The following BLTP3B variants were observed in gnomAD, a reference collection of about 807,000 sequenced individuals.
The protein encoded by BLTP3B is bridge-like lipid transfer protein family member 3B.
At chr12:100,102,322 G>C in the BLTP3B span, among the ~76,000 whole-genome samples, 1 of 151,522 alleles carries the variant, frequency 6.6e-6, no homozygotes, top group Non-Finnish European at 1.5e-5. Flanking sequence ...GTTTTGCCCA[G>C]GCTGGTCTCA....
the BLTP3B span, chr12:100,058,738 C>A: frequency 4.3e-6 from 7 of 1,613,808 alleles, no homozygotes; most frequent in Non-Finnish European, 5.9e-6. Context: ...CCAGTTACAG[C>A]TTCTACATCT....
At chr12:100,074,391 G>A in the BLTP3B span, among the ~76,000 whole-genome samples, 1 of 152,140 alleles carries the variant, frequency 6.6e-6, no homozygotes, top group Non-Finnish European at 1.5e-5. Context: ...TTGAGGCCAG[G>A]AGCTCGAGAC....
the BLTP3B span, among the ~76,000 whole-genome samples, chr12:100,133,102 G>A: frequency 1.3e-3 from 192 of 152,072 alleles, 1 homozygote; most frequent in African/African-American, 4.4e-3. Context: ...TTTAGCTGGG[G>A]GTGGTGGTGG....
chr12:100,093,309 AC>A, the BLTP3B span, among the ~76,000 whole-genome samples: 4 of 152,130 alleles, frequency 2.6e-5, no homozygotes, highest in Non-Finnish European at 5.9e-5. Flanking sequence ...GCTCTAGAAG[AC>A]CTTGTTCACA....
the BLTP3B span, chr12:100,086,379 G>GA: frequency 1.4e-6 from 1 of 732,538 alleles, no homozygotes; most frequent in Non-Finnish European, 2.1e-6. Context: ...AAAAGGGGGG[G>GA]GGGGAAATAT....
chr12:100,094,349 A>G, the BLTP3B span, among the ~76,000 whole-genome samples: 2 of 152,110 alleles, frequency 1.3e-5, no homozygotes, highest in African/African-American at 4.8e-5. Context: ...GGCCTCTAGT[A>G]AACCTCCTGC....
the BLTP3B span, among the ~76,000 whole-genome samples, chr12:100,130,106 C>G: frequency 2.0e-5 from 3 of 152,118 alleles, no homozygotes; most frequent in Non-Finnish European, 4.4e-5. Flanking sequence ...TACAGGCATG[C>G]GCCACTACAC....
the BLTP3B span, among the ~76,000 whole-genome samples, chr12:100,061,169 A>C: frequency 6.6e-6 from 1 of 152,250 alleles, no homozygotes; most frequent in African/African-American, 2.4e-5. Flanking sequence ...GAATAGAAAT[A>C]AAGTGGGTGC....
chr12:100,048,771 A>T, the BLTP3B span, among the ~76,000 whole-genome samples: 227 of 114,818 alleles, frequency 2.0e-3, no homozygotes, highest in Middle Eastern at 4.6e-3. Context: ...AGTGAGAGTG[A>T]GTGTGTGTGT....
the BLTP3B span, chr12:100,050,086 T>C: frequency 2.4e-6 from 3 of 1,260,240 alleles, no homozygotes; most frequent in African/African-American, 3.1e-5. Context: ...ATAGCCAAGA[T>C]AGGATTGCTG....
At chr12:100,073,968 G>A in the BLTP3B span, among the ~76,000 whole-genome samples, 1 of 152,108 alleles carries the variant, frequency 6.6e-6, no homozygotes, top group Non-Finnish European at 1.5e-5. Context: ...ACAAGACAAG[G>A]ATGCCCCCTC....
chr12:100,068,442 G>C, the BLTP3B span, among the ~76,000 whole-genome samples: 2 of 152,048 alleles, frequency 1.3e-5, no homozygotes, highest in Non-Finnish European at 2.9e-5. Flanking sequence ...GCTTACACGA[G>C]GATTTCATGA....
the BLTP3B span, among the ~76,000 whole-genome samples, chr12:100,094,325 G>C: frequency 2.6e-4 from 39 of 151,954 alleles, no homozygotes; most frequent in Non-Finnish European, 4.4e-4. Context: ...TGCCCAGGCT[G>C]GTCCTGAATT....
chr12:100,056,143 C>G, the BLTP3B span, among the ~76,000 whole-genome samples: 1 of 152,130 alleles, frequency 6.6e-6, no homozygotes, highest in Non-Finnish European at 1.5e-5. Flanking sequence ...AGTGATAGTA[C>G]TAAGAGGTAG....
At chr12:100,058,275 T>A in the BLTP3B span, 1 of 1,613,756 alleles carries the variant, frequency 6.2e-7, no homozygotes, top group African/African-American at 1.3e-5. Flanking sequence ...ATAAAATGAA[T>A]CCTTTTTGTC....
chr12:100,124,266 T>A, the BLTP3B span, among the ~76,000 whole-genome samples: 2 of 151,598 alleles, frequency 1.3e-5, no homozygotes, highest in African/African-American at 4.8e-5. Context: ...GGAGAGAGAG[T>A]GAGACCTTGT....
chr12:100,122,770 A>G, the BLTP3B span, among the ~76,000 whole-genome samples: 3 of 152,056 alleles, frequency 2.0e-5, no homozygotes, highest in Admixed American at 2.0e-4. Context: ...ACTCTTCAAG[A>G]ACCCTCTTCT....
chr12:100,128,036 A>G, the BLTP3B span, among the ~76,000 whole-genome samples: 500 of 152,256 alleles, frequency 3.3e-3, 1 homozygote, highest in South Asian at 0.015. Context: ...CCACTTCAAA[A>G]AACAAAAAAA....
chr12:100,041,028 C>T, the BLTP3B span, among the ~76,000 whole-genome samples: 71 of 152,134 alleles, frequency 4.7e-4, no homozygotes, highest in Non-Finnish European at 9.4e-4. Context: ...AACACTAAGA[C>T]CAATATGCTG....
Sources: gnomAD v4.1 joint callset for allele counts (sites outside exome capture counted in the v4.1 genomes callset) on GRCh38, gnomAD v4.1.1 for gene constraint, MANE v1.5 for transcripts, NCBI Gene and HGNC (gene_info 2026-07-23, HGNC 2026-07-21) for gene names.